Variants in OGG1 observed in about 807,000 individuals in gnomAD.
The protein encoded by OGG1 is N-glycosylase/DNA lyase.
A neutral mutation model predicts 42.3 loss-of-function variants in OGG1; 35 were observed. That is an observed-to-expected ratio of 0.83 (90% CI 0.63 to 1.10). The LOEUF is 1.10. Among genes scored for constraint, OGG1 ranks in the 50% least tolerant of loss-of-function variants. The pLI is 0.00. For missense variants in OGG1, 484 were observed against 446.7 expected (o/e 1.08, Z -0.75); for synonymous variants, 189 against 179.0 (o/e 1.06, Z -0.44).
rs2077230269 is a variant in OGG1 at position 9,750,243 on chromosome 3, T to A, written c.-44T>A. 1.3e-6 allele frequency: 2 copies of A among 1,588,638 alleles called. No individual in the cohort carries two copies. On this transcript the variant is annotated 5_prime_UTR_variant, in exon 1 of 7. Coordinates refer to ENST00000344629, the MANE Select transcript of OGG1 (RefSeq NM_002542.6). ...GTCTTTGGGCGTCGACGAGGCCTGG[T>A]TCTGGGTAGGCGGGGCTACTACGGG... is the stretch of plus-strand genomic sequence containing the variant.
chr3:9,790,629 A>C (rs1376522952), downstream of OGG1, among the ~76,000 whole-genome samples: 1 of 152,252 alleles, frequency 6.6e-6, no homozygotes, highest in Non-Finnish European at 1.5e-5. Flanking sequence ...TTATGCAGTG[A>C]ATAAAGTCAT....
chr3:9,754,891 G>T lies in OGG1; in HGVS notation c.747+6G>T, dbSNP rs1359772266. ...TGCCTGGAGTGGGCACCAAGGTGAG[G>T]CCCCAGGGGGTAGGAGCTGCCCTCT... On this transcript the variant is annotated splice_donor_region_variant and intron_variant, in intron 4 of 6. Transcript: ENST00000344629. 1.3e-6 allele frequency: 2 copies of T among 1,581,486 alleles called. No homozygotes were observed. The highest frequency in any genetic ancestry group is 2.3e-5 in the South Asian group (2 of 86,974).
chr3:9,755,601 T>C (rs1377658052), intron 4 of OGG1, among the ~76,000 whole-genome samples: 4 of 151,904 alleles, frequency 2.6e-5, no homozygotes, highest in Non-Finnish European at 5.9e-5. Flanking sequence ...TTAGCTGGGA[T>C]TACAGGCATG....
chr3:9,757,535 G>A (rs370595279), downstream of OGG1: 1 of 1,611,616 alleles, frequency 6.2e-7, no homozygotes, highest in African/African-American at 1.3e-5. This position sits in a 1 kb window ranked among gnomAD's most constrained non-coding sequence, Gnocchi z 4.5. Context: ...CGAGGTCCAG[G>A]GCCCTAGAGC....
At chr3:9,777,394 G>T (rs907209433) in intron 2 of OGG1, among the ~76,000 whole-genome samples, 6 of 152,200 alleles carry the variant, frequency 3.9e-5, no homozygotes, top group East Asian at 1.9e-4. Flanking sequence ...TGATATGATT[G>T]TAAGAACTCT....
intron 7 of OGG1, among the ~76,000 whole-genome samples, chr3:9,765,374 G>A (rs1030263662): frequency 4.6e-5 from 7 of 152,114 alleles, no homozygotes; most frequent in Non-Finnish European, 1.5e-5. Context: ...ATTTAGTCTG[G>A]GGGTCAGCAG....
At chr3:9,785,052 T>C (rs2078574825) in intron 3 of OGG1, among the ~76,000 whole-genome samples, 1 of 152,348 alleles carries the variant, frequency 6.6e-6, no homozygotes, top group South Asian at 2.1e-4. Context: ...TATTTCATCA[T>C]ATGGAGTTAT....
Position 9,757,140 on chromosome 3 carries a change from C to A in OGG1, c.1028C>A (p.Pro343Gln), listed in dbSNP as rs768769791. ...AAGCGCAGAAAGGGTTCCAAAGGGC[C>A]GGAAGGCTAGATGGGGCACCCTGGA... ...PAKRRKGSKGPEG is the reference protein window; with the variant it reads ...PAKRRKGSKGQEG Residue 343 changes from proline (P) to glutamine (Q), a missense_variant, in exon 7 of 7, where the codon CCG becomes CAG. By Grantham distance (76) the Pro-to-Gln change is moderately conservative. Coordinates refer to ENST00000344629, the MANE Select transcript of OGG1 (RefSeq NM_002542.6). The surrounding 1 kb of genome is among the most constrained non-coding windows in gnomAD (Gnocchi z 4.5). 2 of 1,614,122 alleles carry A rather than the reference C, an allele frequency of 1.2e-6. No homozygotes were observed. The highest frequency in any genetic ancestry group is 2.2e-5 in the East Asian group (1 of 44,888).
At chr3:9,779,660 AG>A (rs2078416488) in intron 2 of OGG1, among the ~76,000 whole-genome samples, 2 of 152,172 alleles carry the variant, frequency 1.3e-5, no homozygotes, top group African/African-American at 4.8e-5. Context: ...TAAAAAAAAA[AG>A]AAACCTGGAC....
intron 2 of OGG1, among the ~76,000 whole-genome samples, chr3:9,774,739 G>A (rs763249031): frequency 1.2e-4 from 19 of 152,142 alleles, no homozygotes; most frequent in Non-Finnish European, 2.4e-4. Context: ...TTAAAAAGCT[G>A]GTAACACTGA....
downstream of OGG1, chr3:9,767,744 C>CCG: frequency 6.2e-7 from 1 of 1,614,046 alleles, no homozygotes; most frequent in Non-Finnish European, 8.5e-7. Flanking sequence ...CCACTGCCCC[C>CCG]AGCATGGCCC....
At position 9,752,647 on chromosome 3, in the gene OGG1, G is replaced by A. The variant is rs111299482; in HGVS notation, c.565+698G>A. 2.6e-3 allele frequency among the ~76,000 whole-genome samples: 403 copies of A among 152,262 alleles called. 1 individual carries two copies. The highest frequency in any genetic ancestry group is 9.1e-3 in the African/African-American group (376 of 41,528). On this transcript the variant is annotated intron_variant, in intron 3 of 6. Coordinates refer to ENST00000344629, the MANE Select transcript of OGG1 (RefSeq NM_002542.6). ...CCCTGTAAGGCAAATGTTTTACAGA[G>A]GCAAGTGTATCGATTGGCAGATGTG...
chr3:9,751,005 G>T lies in OGG1; in HGVS notation c.198G>T (p.Leu66=). 1.2e-6 allele frequency: 2 copies of T among 1,614,024 alleles called. No homozygotes were observed. Among genetic ancestry groups the T allele is most frequent in the South Asian group, 2.2e-5 (2 of 91,036 alleles). The change falls in exon 2 of 7, where the codon CTG becomes CTT. Residue 66 remains leucine, a synonymous_variant. Transcript: ENST00000344629. ...SGVLADQVWT[L]TQTEEQLHCT... Reference sequence around the variant, plus strand: ...TACTAGCGGATCAAGTATGGACACTGACTCAGACTGAGGAGCAGCTCCACT... The same window carrying T: ...TACTAGCGGATCAAGTATGGACACTTACTCAGACTGAGGAGCAGCTCCACT...
intron 6 of OGG1, 31 bp downstream of exon 6, chr3:9,756,847 T>G: frequency 6.2e-7 from 1 of 1,613,088 alleles, no homozygotes; most frequent in African/African-American, 1.3e-5. Flanking sequence ...TCCCTAGGTT[T>G]CCTCTCCTCC....
chr3:9,777,576 C>G (rs1179915307), intron 2 of OGG1, among the ~76,000 whole-genome samples: 1 of 152,132 alleles, frequency 6.6e-6, no homozygotes, highest in African/African-American at 2.4e-5. Context: ...GGGCCTGGCA[C>G]AGTGCCAGGC....
chr3:9,752,366 G>A lies in OGG1; in HGVS notation c.565+417G>A, dbSNP rs542824310. On this transcript the variant is annotated intron_variant, in intron 3 of 6. Coordinates refer to ENST00000344629, the MANE Select transcript of OGG1 (RefSeq NM_002542.6). The stretch of plus-strand genomic sequence containing the variant: ...CCTATGCTATTATTGGAGTTGTCAT[G>A]AGGGTTGAAGAAAGGAATATACATA... 1.2e-4 allele frequency among the ~76,000 whole-genome samples: 19 copies of A among 152,100 alleles called. No individual in the cohort carries two copies. The East Asian group carries it at 3.7e-3, about 29-fold the overall frequency.
At chr3:9,757,647 G>A, downstream of OGG1, 1 of 1,614,114 alleles carries the variant, frequency 6.2e-7, no homozygotes, top group South Asian at 1.1e-5. This position sits in a 1 kb window ranked among gnomAD's most constrained non-coding sequence, Gnocchi z 4.5. Context: ...GAACAGAGGT[G>A]GCCGCAGGGG....
intron 2 of OGG1, among the ~76,000 whole-genome samples, chr3:9,772,534 A>C (rs2078314451): frequency 6.6e-6 from 1 of 152,162 alleles, no homozygotes; most frequent in African/African-American, 2.4e-5. Context: ...TTCTCTCCAG[A>C]GTGAACTTCT....
chr3:9,765,761 G>C, intron 7 of OGG1: 1 of 1,613,964 alleles, frequency 6.2e-7, no homozygotes, highest in Non-Finnish European at 8.5e-7. Flanking sequence ...CCACGCACTT[G>C]TGCAGGACAG....
Sources: allele counts gnomAD v4.1 joint callset (sites outside exome capture counted in the v4.1 genomes callset), GRCh38; gene constraint gnomAD v4.1.1; non-coding constraint Gnocchi (gnomAD v3.1); transcripts MANE v1.5; gene names NCBI Gene and HGNC (gene_info 2026-07-23, HGNC 2026-07-21).